Variants in TTLL9 observed in about 807,000 individuals in gnomAD.
TTLL9 encodes tubulin tyrosine ligase like 9.
TTLL9 carries 47 observed loss-of-function variants against 65.6 expected under a neutral mutation model. The observed-to-expected ratio is 0.72, with a 90% CI of 0.57 to 0.91. The LOEUF (loss-of-function observed/expected upper bound fraction) is 0.91. Among genes scored for constraint, TTLL9 ranks in the 40% least tolerant of loss-of-function variants. The pLI is 0.00. For missense variants in TTLL9, 537 were observed against 568.8 expected (o/e 0.94, Z 0.57); for synonymous variants, 179 against 204.8 (o/e 0.87, Z 1.07).
At chr20:31,882,136 T>A (rs2063126567) in intron 2 of TTLL9, among the ~76,000 whole-genome samples, 1 of 152,166 alleles carries the variant, frequency 6.6e-6, no homozygotes, top group African/African-American at 2.4e-5. Context: ...CACGAAAATA[T>A]GCCTAGAGAA....
intron 3 of TTLL9, among the ~76,000 whole-genome samples, chr20:31,889,992 TTCTTTCTTTCTTTC>T (rs1482747896): frequency 7.6e-6 from 1 of 131,206 alleles, no homozygotes; most frequent in Non-Finnish European, 1.5e-5. Flanking sequence ...CTTTCTTTCT[TTCTTTCTTTCTTTC>T]TTTCTTTCTT....
chr20:31,941,713 C>T (rs2064213913), intron 14 of TTLL9, among the ~76,000 whole-genome samples: 1 of 152,192 alleles, frequency 6.6e-6, no homozygotes. Context: ...CAGGCACACA[C>T]CACACCTGGC....
rs2064168191 is a variant in TTLL9 at position 31,939,267 on chromosome 20, G to C, written c.1243+1G>C. On this transcript the variant is annotated splice_donor_variant, in intron 14 of 14. Coordinates refer to ENST00000535842, the MANE Select transcript of TTLL9 (RefSeq NM_001008409.5). LOFTEE classifies it high-confidence loss of function. ...AACTTTGTGACCAACACACATCTCG[G>C]TATGTAGGGCCAGGTGGGGAGTGGG... The C allele has an allele frequency of 6.2e-7, 1 of 1,613,342 alleles. No individual in the cohort carries two copies. Among genetic ancestry groups the C allele is most frequent in the African/African-American group, 1.3e-5 (1 of 74,806 alleles).
intron 4 of TTLL9, among the ~76,000 whole-genome samples, chr20:31,905,947 C>T (rs1387452912): frequency 6.7e-6 from 1 of 149,304 alleles, no homozygotes; most frequent in Non-Finnish European, 1.5e-5. Flanking sequence ...GGAGGAGAAT[C>T]GCTTGAACCC....
intron 7 of TTLL9, 122 bp from the exon 8 acceptor site, chr20:31,922,841 C>T: frequency 1.4e-6 from 1 of 724,190 alleles, no homozygotes; most frequent in South Asian, 1.7e-5. Flanking sequence ...AACATTAGTA[C>T]TTACCTGACA....
At chr20:31,880,872 T>TTTTTTTA (rs2063109132) in intron 2 of TTLL9, among the ~76,000 whole-genome samples, 1 of 149,152 alleles carries the variant, frequency 6.7e-6, no homozygotes, top group African/African-American at 2.5e-5. Context: ...TTTTTTTTTT[T>TTTTTTTA]GAGACAAGGT....
intron 4 of TTLL9, among the ~76,000 whole-genome samples, chr20:31,902,199 T>G (rs1174860063): frequency 6.6e-6 from 1 of 152,096 alleles, no homozygotes; most frequent in Non-Finnish European, 1.5e-5. Flanking sequence ...CCATACCCAC[T>G]AGCAGTCATT....
chr20:31,927,680 C>T (rs1318637123), intron 10 of TTLL9, among the ~76,000 whole-genome samples: 1 of 152,122 alleles, frequency 6.6e-6, no homozygotes, highest in Non-Finnish European at 1.5e-5. Flanking sequence ...GCCTGAGCCT[C>T]AGAAGAAAAG....
At chr20:31,919,414 T>C (rs2063781770) in intron 6 of TTLL9, among the ~76,000 whole-genome samples, 1 of 151,994 alleles carries the variant, frequency 6.6e-6, no homozygotes, top group African/African-American at 2.4e-5. Context: ...TGAGGACCAC[T>C]CCATATGAGA....
At chr20:31,893,506 G>A (rs1397229141) in intron 3 of TTLL9, among the ~76,000 whole-genome samples, 1 of 151,996 alleles carries the variant, frequency 6.6e-6, no homozygotes, top group East Asian at 1.9e-4. Context: ...GGTTAGGCTG[G>A]TCTTGAACTC....
chr20:31,905,078 T>C (rs2063532990), intron 4 of TTLL9, among the ~76,000 whole-genome samples: 1 of 152,088 alleles, frequency 6.6e-6, no homozygotes. Context: ...CATGGCCATT[T>C]CTTTTTTTTT....
At chr20:31,873,549 C>T (rs1187659255) in intron 2 of TTLL9, among the ~76,000 whole-genome samples, 4 of 151,576 alleles carry the variant, frequency 2.6e-5, no homozygotes, top group Admixed American at 2.6e-4. Context: ...GTCCCAGCTA[C>T]TTGGAGGCCA....
intron 6 of TTLL9, among the ~76,000 whole-genome samples, chr20:31,916,452 G>A (rs921712163): frequency 3.9e-5 from 6 of 152,186 alleles, no homozygotes; most frequent in Admixed American, 1.3e-4. Context: ...CCATGCAGGC[G>A]GTTCATCTTT....
chr20:31,897,612 C>T (rs2123461545), intron 3 of TTLL9, among the ~76,000 whole-genome samples: 1 of 152,284 alleles, frequency 6.6e-6, no homozygotes, highest in East Asian at 1.9e-4. Context: ...AGTCCAGGCT[C>T]CACACATGGT....
chr20:31,909,346 G>A (rs1473221208), intron 5 of TTLL9, among the ~76,000 whole-genome samples: 1 of 151,878 alleles, frequency 6.6e-6, no homozygotes, highest in South Asian at 2.1e-4. Flanking sequence ...GTTTCATCAT[G>A]TTAGCCAGGA....
At chr20:31,893,291 CTT>C (rs34875132) in intron 3 of TTLL9, among the ~76,000 whole-genome samples, 5 of 130,070 alleles carry the variant, frequency 3.8e-5, no homozygotes, top group Non-Finnish European at 5.0e-5. Context: ...TGTTCTTTTT[CTT>C]TTTTTTTTTT....
At chr20:31,939,504 A>G in intron 14 of TTLL9, 1 of 361,064 alleles carries the variant, frequency 2.8e-6, no homozygotes, top group Non-Finnish European at 5.0e-6. Context: ...AGAATATTTG[A>G]AAACTAGAGA....
At chr20:31,881,152 C>A (rs746669768) in intron 2 of TTLL9, among the ~76,000 whole-genome samples, 3 of 152,202 alleles carry the variant, frequency 2.0e-5, no homozygotes, top group Non-Finnish European at 4.4e-5. Flanking sequence ...GCATGAACCA[C>A]TGCACCTGGT....
intron 3 of TTLL9, among the ~76,000 whole-genome samples, chr20:31,890,107 T>G (rs1600536255): frequency 2.0e-5 from 1 of 49,070 alleles, no homozygotes; most frequent in Non-Finnish European, 4.0e-5. Context: ...CCTCCCTTCC[T>G]TCCTTCCTTC....
Sources: gnomAD v4.1 joint callset for allele counts (sites outside exome capture counted in the v4.1 genomes callset) on GRCh38, gnomAD v4.1.1 for gene constraint, MANE v1.5 for transcripts, NCBI Gene and HGNC (gene_info 2026-07-23, HGNC 2026-07-21) for gene names.